Variants in PCSK2 observed in about 807,000 individuals in gnomAD.
PCSK2 encodes the protein proprotein convertase subtilisin/kexin type 2.
PCSK2 carries 14 observed loss-of-function variants against 69.7 expected under a neutral mutation model. The observed-to-expected ratio is 0.20, with a 90% CI of 0.13 to 0.31. The LOEUF is 0.31. Among genes scored for constraint, PCSK2 ranks in the 10% least tolerant of loss-of-function variants. The pLI is 1.00. For missense variants in PCSK2, 544 were observed against 842.5 expected (o/e 0.65, Z 4.39); for synonymous variants, 307 against 320.7 (o/e 0.96, Z 0.46).
At chr20:17,359,731 G>A (rs1017633678) in intron 3 of PCSK2, among the ~76,000 whole-genome samples, 3 of 152,186 alleles carry the variant, frequency 2.0e-5, no homozygotes, top group Non-Finnish European at 4.4e-5. Flanking sequence ...ATCATACAAT[G>A]TTTTAGCAAT....
At chr20:17,479,254 T>G in intron 11 of PCSK2, 378 of 1,096,846 alleles carry the variant, frequency 3.4e-4, no homozygotes, top group Middle Eastern at 6.0e-4. Context: ...TTATAAGCTT[T>G]TCCCAGCTTA....
intron 1 of PCSK2, among the ~76,000 whole-genome samples, chr20:17,254,632 T>G (rs370021972): frequency 5.3e-5 from 8 of 152,176 alleles, no homozygotes; most frequent in Non-Finnish European, 8.8e-5. Flanking sequence ...AATTGAAAAA[T>G]GTGAGTCTTC....
chr20:17,320,237 T>TGGGGACAA (rs1989822497), intron 2 of PCSK2, among the ~76,000 whole-genome samples: 1 of 152,216 alleles, frequency 6.6e-6, no homozygotes, highest in Non-Finnish European at 1.5e-5. Flanking sequence ...CACTTAGCTC[T>TGGGGACAA]CATCCATGTT....
At position 17,436,835 on chromosome 20, in the gene PCSK2, T is replaced by C. The variant is rs1285036411; in HGVS notation, c.837T>C (p.Asp279=). ...CCACAGACAACGGCAAGACAGTGGA[T>C]GGGCCCCGGGAGCTCACGCTGCAGG... ...WGPTDNGKTV[D]GPRELTLQAM... Residue 279 remains aspartate, a synonymous_variant, in exon 8 of 12, where the codon GAT becomes GAC. Transcript: ENST00000262545. 3.7e-6 allele frequency: 6 copies of C among 1,613,750 alleles called. No homozygotes were observed. The African/African-American group carries it at 8.0e-5, about 22-fold the overall frequency.
chr20:17,346,398 G>A (rs548032107), intron 2 of PCSK2, among the ~76,000 whole-genome samples: 113 of 152,094 alleles, frequency 7.4e-4, no homozygotes, highest in African/African-American at 2.5e-3. Context: ...ACTTCTCCTC[G>A]TCTCCCCACC....
chr20:17,239,585 C>A (rs1986477322), intron 1 of PCSK2, among the ~76,000 whole-genome samples: 1 of 151,882 alleles, frequency 6.6e-6, no homozygotes, highest in African/African-American at 2.4e-5. Context: ...GAGGAGAGGA[C>A]CAAAGAAGAG....
At chr20:17,241,807 C>CA (rs757401684) in intron 1 of PCSK2, among the ~76,000 whole-genome samples, 1 of 152,112 alleles carries the variant, frequency 6.6e-6, no homozygotes, top group Non-Finnish European at 1.5e-5. Context: ...ACTTAGAAGC[C>CA]AAGAAGAAAA....
chr20:17,359,125 A>G (rs969500757), intron 3 of PCSK2, among the ~76,000 whole-genome samples: 2 of 152,228 alleles, frequency 1.3e-5, no homozygotes, highest in African/African-American at 2.4e-5. Flanking sequence ...GGGAGTGACT[A>G]ATTTGTAAAT....
chr20:17,295,411 C>T (rs1988856497), intron 2 of PCSK2, among the ~76,000 whole-genome samples: 1 of 151,942 alleles, frequency 6.6e-6, no homozygotes, highest in Non-Finnish European at 1.5e-5. Context: ...TTACGCTCAG[C>T]TGGGTCTCCT....
chr20:17,262,739 A>ATG, intron 2 of PCSK2, among the ~76,000 whole-genome samples: 1 of 152,354 alleles, frequency 6.6e-6, no homozygotes, highest in East Asian at 1.9e-4. Context: ...AAACACATTC[A>ATG]AACAGGTTGC....
intron 5 of PCSK2, among the ~76,000 whole-genome samples, chr20:17,406,109 A>G (rs1445965386): frequency 2.0e-5 from 3 of 152,222 alleles, no homozygotes; most frequent in Non-Finnish European, 2.9e-5. Context: ...TAAATTCACC[A>G]AACACCACCT....
chr20:17,256,779 G>T (rs987032714), intron 1 of PCSK2, among the ~76,000 whole-genome samples: 1 of 151,786 alleles, frequency 6.6e-6, no homozygotes, highest in Admixed American at 6.6e-5. Context: ...CCCTAGCTCT[G>T]CAACCCCACA....
At chr20:17,422,849 T>C (rs775900316) in intron 6 of PCSK2, among the ~76,000 whole-genome samples, 14 of 151,982 alleles carry the variant, frequency 9.2e-5, no homozygotes, top group Admixed American at 2.0e-4. Flanking sequence ...AACCCTAATA[T>C]ATGATTAAGA....
intron 1 of PCSK2, among the ~76,000 whole-genome samples, chr20:17,244,753 C>T (rs1187260112): frequency 6.6e-6 from 1 of 152,138 alleles, no homozygotes; most frequent in African/African-American, 2.4e-5. Flanking sequence ...AAACTCTTAC[C>T]ATTCACCCAA....
intron 7 of PCSK2, among the ~76,000 whole-genome samples, chr20:17,430,588 G>C (rs2032343937): frequency 6.6e-6 from 1 of 152,130 alleles, no homozygotes; most frequent in African/African-American, 2.4e-5. Flanking sequence ...AATACATCTG[G>C]AGGTTTCTAA....
Position 17,436,892 on chromosome 20 carries a change from G to T in PCSK2, c.885+9G>T. On this transcript the variant is annotated intron_variant, in intron 8 of 11. Transcript: ENST00000262545. The stretch of plus-strand genomic sequence containing the variant: ...CCGATGGCGTGAACAAGGTAAGGGG[G>T]CCGGCCCCCTAGGCCCCGGCCACTC... 1 of 1,596,306 alleles carries T rather than the reference G, an allele frequency of 6.3e-7. No homozygotes were observed. The highest frequency in any genetic ancestry group is 8.5e-7 in the Non-Finnish European group (1 of 1,172,286).
At chr20:17,244,770 T>C (rs1211088900) in intron 1 of PCSK2, among the ~76,000 whole-genome samples, 3 of 152,202 alleles carry the variant, frequency 2.0e-5, no homozygotes, top group Admixed American at 2.0e-4. Flanking sequence ...CCAAGGCATC[T>C]GTGACTAGAA....
In PCSK2 at chr20:17,481,703, G is replaced by A; in HGVS notation, c.1550G>A (p.Arg517Lys). 1 of 1,614,178 alleles carries A rather than the reference G, an allele frequency of 6.2e-7. No homozygotes were observed. The highest frequency in any genetic ancestry group is 8.5e-7 in the Non-Finnish European group (1 of 1,180,026). Residue 517 changes from arginine to lysine, a missense_variant, in exon 12 of 12, where the codon AGA (arginine) becomes AAA (lysine). By Grantham distance (26) the Arg-to-Lys change is conservative. Transcript: ENST00000262545. Reference protein sequence around the residue: ...VQAVITVNATRRGDLNINMTS... With the variant: ...VQAVITVNATKRGDLNINMTS... ...GCTGTCATCACGGTCAACGCAACCA[G>A]AAGAGGAGACCTGAACATCAACATG...
chr20:17,334,294 G>A (rs576556954), intron 2 of PCSK2, among the ~76,000 whole-genome samples: 109 of 152,144 alleles, frequency 7.2e-4, no homozygotes, highest in African/African-American at 2.6e-3. Flanking sequence ...AGAAATTACC[G>A]GGTACCACAG....
Sources: gnomAD v4.1 joint callset for allele counts (sites outside exome capture counted in the v4.1 genomes callset) on GRCh38, gnomAD v4.1.1 for gene constraint, MANE v1.5 for transcripts, NCBI Gene and HGNC (gene_info 2026-07-23, HGNC 2026-07-21) for gene names.